Variants in OPRM1 observed in about 807,000 individuals in gnomAD.
OPRM1 encodes the protein mu-type opioid receptor.
Under a neutral mutation model 31.8 loss-of-function variants are expected in OPRM1, and 27 were observed. That is an observed-to-expected ratio of 0.85 (90% CI 0.63 to 1.17). OPRM1 has a LOEUF of 1.17. Ranked by LOEUF, OPRM1 falls within the 50% of genes most tolerant of loss-of-function variation. OPRM1 has a pLI of 0.00. For synonymous variants in OPRM1, 196 were observed against 189.9 expected, an observed-to-expected ratio of 1.03 and a Z score of -0.26; for missense variants, 536 against 511.1, an observed-to-expected ratio of 1.05 and a Z score of -0.47.
intron 3 of OPRM1, among the ~76,000 whole-genome samples, chr6:154,241,449 T>C (rs1583885136): frequency 6.6e-6 from 1 of 152,060 alleles, no homozygotes; most frequent in African/African-American, 2.4e-5. Flanking sequence ...TAAGCGACGG[T>C]GAATCTAAAT....
intron 1 of OPRM1, among the ~76,000 whole-genome samples, chr6:154,023,907 A>G (rs1345033075): frequency 6.6e-6 from 1 of 152,032 alleles, no homozygotes; most frequent in African/African-American, 2.4e-5. Context: ...GTCATGATGA[A>G]TTATCTTTTT....
intron 3 of OPRM1, among the ~76,000 whole-genome samples, chr6:154,111,527 G>T (rs1444687038): frequency 1.3e-5 from 2 of 152,118 alleles, no homozygotes; most frequent in African/African-American, 4.8e-5. Flanking sequence ...GGTTATGTTT[G>T]CTTCCATAGA....
At chr6:154,180,027 C>T (rs1429145645) in intron 3 of OPRM1, among the ~76,000 whole-genome samples, 2 of 152,128 alleles carry the variant, frequency 1.3e-5, no homozygotes, top group Non-Finnish European at 2.9e-5. Context: ...ATGCTAGCCT[C>T]AAGTCATTGG....
chr6:154,191,252 A>T (rs1464488479), intron 3 of OPRM1, among the ~76,000 whole-genome samples: 1 of 152,198 alleles, frequency 6.6e-6, no homozygotes. Flanking sequence ...GGGTAGAAGG[A>T]TGAATAGATG....
At chr6:154,208,040 T>C (rs1472367134) in intron 3 of OPRM1, among the ~76,000 whole-genome samples, 5 of 152,218 alleles carry the variant, frequency 3.3e-5, no homozygotes, top group Admixed American at 6.5e-5. Context: ...TCTGATTCTA[T>C]GCCTACCTCC....
chr6:154,107,922 C>G (rs947787494), intron 3 of OPRM1: 6 of 656,264 alleles, frequency 9.1e-6, no homozygotes, highest in African/African-American at 3.7e-5. Context: ...TCACATTAAT[C>G]AAAACTTTAC....
chr6:154,010,563 C>T (rs1017303216), exon 1 of OPRM1: 20 of 1,545,450 alleles, frequency 1.3e-5, no homozygotes, highest in Non-Finnish European at 1.7e-5. Flanking sequence ...CCTCCAGGTT[C>T]ATTTGGAAGA....
chr6:154,124,900 T>G lies in OPRM1; in HGVS notation c.*6179T>G, dbSNP rs1379772721. On this transcript the variant is annotated 3_prime_UTR_variant, in exon 4 of 4. Coordinates refer to ENST00000330432, the MANE Select transcript of OPRM1 (RefSeq NM_000914.5). ...CACTACCTTTTATCCAAAGAAATTATCTCTAAAAGCACTCAGACATTTTGT... is the reference window on the plus strand; with the variant it reads ...CACTACCTTTTATCCAAAGAAATTAGCTCTAAAAGCACTCAGACATTTTGT... 1.3e-5 allele frequency among the ~76,000 whole-genome samples: 2 copies of G among 152,178 alleles called. No individual in the cohort carries two copies. The highest frequency in any genetic ancestry group is 2.9e-5 in the Non-Finnish European group (2 of 68,032).
chr6:154,098,542 C>T (rs1302305445), intron 3 of OPRM1, among the ~76,000 whole-genome samples: 1 of 152,088 alleles, frequency 6.6e-6, no homozygotes, highest in Non-Finnish European at 1.5e-5. Flanking sequence ...AACAACACCA[C>T]GTTTATTTTT....
At chr6:154,111,719 G>A (rs1319008670) in intron 3 of OPRM1, among the ~76,000 whole-genome samples, 6 of 151,888 alleles carry the variant, frequency 4.0e-5, no homozygotes, top group African/African-American at 1.4e-4. Context: ...AAGGGTATTT[G>A]CTAGTTGACT....
chr6:154,110,289 T>C (rs1583590842), intron 3 of OPRM1: 1 of 819,514 alleles, frequency 1.2e-6, no homozygotes, highest in Non-Finnish European at 2.0e-6. Flanking sequence ...AATTAAACTA[T>C]ACATTGCTAA....
At chr6:154,155,935 C>CTA (rs1383846789) in intron 3 of OPRM1, 1 of 152,082 alleles carries the variant, frequency 6.6e-6, no homozygotes, top group Non-Finnish European at 1.5e-5. Flanking sequence ...GACTGGAGTG[C>CTA]TACCTGAGTA....
At chr6:154,232,767 T>A (rs1254272238) in intron 3 of OPRM1, among the ~76,000 whole-genome samples, 2 of 152,052 alleles carry the variant, frequency 1.3e-5, no homozygotes, top group African/African-American at 4.8e-5. Flanking sequence ...GTACTCACAG[T>A]GAATAAGCAG....
chr6:154,094,083 C>T, intron 3 of OPRM1: 1 of 479,838 alleles, frequency 2.1e-6, no homozygotes, highest in Admixed American at 2.8e-5. Context: ...TTTTCAACTA[C>T]TTGTTTGAAG....
intron 3 of OPRM1, chr6:154,159,404 C>A: frequency 5.5e-6 from 1 of 182,448 alleles, no homozygotes; most frequent in Non-Finnish European, 1.1e-5. Flanking sequence ...TGATTTGGGC[C>A]ACACAGCTTC....
At chr6:154,099,233 A>C (rs790513) in intron 3 of OPRM1, among the ~76,000 whole-genome samples, 122,940 of 150,902 alleles carry the variant, frequency 0.81, 50,523 homozygotes, top group East Asian at 0.92. Flanking sequence ...TGCAATGAGC[A>C]GTGATTGTGC....
At chr6:154,217,492 A>G (rs1017958224) in intron 3 of OPRM1, 12 of 152,172 alleles carry the variant, frequency 7.9e-5, no homozygotes, top group African/African-American at 1.7e-4. Context: ...TGGCACGAGC[A>G]TCGATTCAGC....
intron 1 of OPRM1, among the ~76,000 whole-genome samples, chr6:154,049,503 C>T (rs778695609): frequency 8.6e-5 from 13 of 151,960 alleles, no homozygotes; most frequent in African/African-American, 1.9e-4. Context: ...TATTATTTTG[C>T]GGGTAAATAT....
chr6:154,032,222 G>C (rs1371060537), intron 1 of OPRM1, among the ~76,000 whole-genome samples: 2 of 152,176 alleles, frequency 1.3e-5, no homozygotes, highest in African/African-American at 4.8e-5. Flanking sequence ...AAATTTATAT[G>C]ATGCATACTG....
Sources: allele counts gnomAD v4.1 joint callset (sites outside exome capture counted in the v4.1 genomes callset), GRCh38; gene constraint gnomAD v4.1.1; transcripts MANE v1.5; gene names NCBI Gene and HGNC (gene_info 2026-07-23, HGNC 2026-07-21).